CORO2B: variants seen among roughly 807,000 people sequenced by gnomAD.
CORO2B encodes the protein coronin-2B.
CORO2B carries 26 observed loss-of-function variants against 58.8 expected under a neutral mutation model. The ratio of observed to expected loss-of-function variants is 0.44; its 90% CI spans 0.32 to 0.61. The LOEUF is 0.61. Ranked by LOEUF, CORO2B falls within the 20% of genes least tolerant of loss-of-function variation. The pLI is 0.04. For missense variants in CORO2B, 460 were observed against 645.1 expected, an observed-to-expected ratio of 0.71 and a Z score of 3.11; for synonymous variants, 242 against 253.8, an observed-to-expected ratio of 0.95 and a Z score of 0.44.
the CORO2B span, among the ~76,000 whole-genome samples, chr15:68,559,298 T>A: frequency 2.0e-5 from 3 of 152,136 alleles, no homozygotes; most frequent in African/African-American, 4.8e-5. The surrounding 1 kb of genome is among the most constrained non-coding windows in gnomAD (Gnocchi z 4.3). Flanking sequence ...CCCCGTCCAC[T>A]GGCAGGAAGA....
intron 2 of CORO2B, among the ~76,000 whole-genome samples, chr15:68,686,038 CTTT>C (rs1236025227): frequency 4.4e-5 from 3 of 68,366 alleles, no homozygotes; most frequent in African/African-American, 4.9e-5. Context: ...TTTTTTTTTT[CTTT>C]TTTTTTTTTT....
At chr15:68,561,266 G>A in the CORO2B span, among the ~76,000 whole-genome samples, 5 of 152,280 alleles carry the variant, frequency 3.3e-5, no homozygotes, top group East Asian at 9.7e-4. Context: ...GCCACGCTGG[G>A]CGGCCCCCCT....
intron 5 of CORO2B, among the ~76,000 whole-genome samples, chr15:68,712,861 C>T (rs894042722): frequency 5.3e-5 from 8 of 152,046 alleles, no homozygotes; most frequent in Non-Finnish European, 8.8e-5. Flanking sequence ...AGAGCCCATG[C>T]CAAGCAGAAA....
intron 1 of CORO2B, among the ~76,000 whole-genome samples, chr15:68,601,873 G>A (rs1899992301): frequency 6.6e-6 from 1 of 152,186 alleles, no homozygotes; most frequent in Non-Finnish European, 1.5e-5. Context: ...CATAGCCGTG[G>A]AGCCTGGGAA....
At chr15:68,637,684 C>T (rs1337649718) in intron 1 of CORO2B, among the ~76,000 whole-genome samples, 1 of 152,158 alleles carries the variant, frequency 6.6e-6, no homozygotes, top group Non-Finnish European at 1.5e-5. Flanking sequence ...GGCTCTGCCA[C>T]ATATCCTGAT....
upstream of CORO2B, among the ~76,000 whole-genome samples, chr15:68,575,373 T>C (rs1403771613): frequency 6.6e-6 from 1 of 150,912 alleles, no homozygotes; most frequent in Non-Finnish European, 1.5e-5. Flanking sequence ...AGACTTCGTC[T>C]GTCACTCAGG....
chr15:68,640,349 A>G (rs942681525), intron 1 of CORO2B, among the ~76,000 whole-genome samples: 1 of 152,192 alleles, frequency 6.6e-6, no homozygotes, highest in Non-Finnish European at 1.5e-5. Context: ...ATGGAGACAT[A>G]GTAACCTGAA....
intron 1 of CORO2B, among the ~76,000 whole-genome samples, chr15:68,613,695 A>G (rs1900290653): frequency 6.6e-6 from 1 of 152,238 alleles, no homozygotes; most frequent in Non-Finnish European, 1.5e-5. Flanking sequence ...AACCTAAATT[A>G]GCACATCGCT....
chr15:68,625,088 C>T (rs959888781), intron 1 of CORO2B, among the ~76,000 whole-genome samples: 2 of 152,284 alleles, frequency 1.3e-5, no homozygotes, highest in Admixed American at 6.5e-5. Flanking sequence ...TCCTCTGCAC[C>T]ACACTCGGCT....
intron 1 of CORO2B, among the ~76,000 whole-genome samples, chr15:68,590,527 C>T (rs1217007144): frequency 6.6e-6 from 1 of 152,110 alleles, no homozygotes; most frequent in African/African-American, 2.4e-5. Flanking sequence ...GCCCCATGCA[C>T]AAGCAGGAGC....
chr15:68,569,310 C>A, the CORO2B span, among the ~76,000 whole-genome samples: 1 of 152,236 alleles, frequency 6.6e-6, no homozygotes, highest in Non-Finnish European at 1.5e-5. Flanking sequence ...TCCCCACTAA[C>A]CCCTGGCCAC....
chr15:68,715,995 T>C (rs1893023824), intron 8 of CORO2B, among the ~76,000 whole-genome samples: 1 of 152,216 alleles, frequency 6.6e-6, no homozygotes, highest in Admixed American at 6.5e-5. Context: ...TGATCCTCTT[T>C]GGAGCTTGAG....
chr15:68,563,207 G>A, the CORO2B span, among the ~76,000 whole-genome samples: 6,914 of 151,770 alleles, frequency 0.046, 536 homozygotes, highest in African/African-American at 0.16. Context: ...GTAGAGACTG[G>A]CCAGGCACCA....
the CORO2B span, among the ~76,000 whole-genome samples, chr15:68,526,733 A>C: frequency 6.6e-6 from 1 of 152,208 alleles, no homozygotes; most frequent in Non-Finnish European, 1.5e-5. Flanking sequence ...TTCAAAGAGC[A>C]GAAGTTTTAA....
At chr15:68,719,367 C>T in intron 10 of CORO2B, 46 bp from the exon 11 acceptor site, 2 of 1,608,300 alleles carry the variant, frequency 1.2e-6, no homozygotes, top group Non-Finnish European at 1.7e-6. Context: ...CATCACCTGA[C>T]AGTCCATGGG....
chr15:68,614,108 C>A (rs1900300802), intron 1 of CORO2B, among the ~76,000 whole-genome samples: 1 of 152,152 alleles, frequency 6.6e-6, no homozygotes, highest in Non-Finnish European at 1.5e-5. Context: ...CTCACACAGA[C>A]CTCCCGAATC....
chr15:68,701,301 C>CT (rs975765176), intron 3 of CORO2B, among the ~76,000 whole-genome samples: 3 of 142,030 alleles, frequency 2.1e-5, no homozygotes, highest in East Asian at 3.9e-4. Flanking sequence ...GGACTAGTTT[C>CT]TTTTTTTTCT....
the CORO2B span, among the ~76,000 whole-genome samples, chr15:68,531,500 AAAGGAAGGAAGGAAGGAAGGAAGG>A: frequency 6.5e-3 from 740 of 113,818 alleles, 9 homozygotes; most frequent in East Asian, 0.021. Flanking sequence ...GTATCTCAAA[AAAGGAAGGAAGGAAGGAAGGAAGG>A]AAGGAAGGAA....
intron 1 of CORO2B, among the ~76,000 whole-genome samples, chr15:68,583,877 C>T (rs1050565016): frequency 6.6e-6 from 1 of 152,196 alleles, no homozygotes. Flanking sequence ...GGTGGGAGCC[C>T]ACTTGCGGGT....
Sources: allele counts gnomAD v4.1 joint callset (sites outside exome capture counted in the v4.1 genomes callset), GRCh38; gene constraint gnomAD v4.1.1; non-coding constraint Gnocchi (gnomAD v3.1); transcripts MANE v1.5; gene names NCBI Gene and HGNC (gene_info 2026-07-23, HGNC 2026-07-21).